The following QTMAN variants were observed in gnomAD, a reference collection of about 807,000 sequenced individuals.
QTMAN encodes tRNA-queuosine alpha-mannosyltransferase.
chr2:144,067,299 T>A, the QTMAN span, among the ~76,000 whole-genome samples: 2 of 152,228 alleles, frequency 1.3e-5, no homozygotes, highest in African/African-American at 2.4e-5. Context: ...TAAGGTTTTT[T>A]AAATTGGCTC....
chr2:143,973,391 A>C, the QTMAN span, among the ~76,000 whole-genome samples: 3 of 152,312 alleles, frequency 2.0e-5, no homozygotes, highest in South Asian at 6.2e-4. Context: ...TTTATGTCTA[A>C]ATTAGTAAAT....
At chr2:144,082,771 G>A in the QTMAN span, among the ~76,000 whole-genome samples, 1 of 152,216 alleles carries the variant, frequency 6.6e-6, no homozygotes, top group Non-Finnish European at 1.5e-5. Context: ...CTTGCTCTCA[G>A]TCACGGGCTC....
At chr2:143,990,458 C>T in the QTMAN span, among the ~76,000 whole-genome samples, 5 of 152,032 alleles carry the variant, frequency 3.3e-5, no homozygotes, top group Non-Finnish European at 5.9e-5. Flanking sequence ...AATTAGAAGG[C>T]TATTAAGTAG....
At chr2:144,221,857 CTTGT>C in the QTMAN span, among the ~76,000 whole-genome samples, 14 of 152,234 alleles carry the variant, frequency 9.2e-5, no homozygotes, top group South Asian at 2.1e-4. Context: ...GCAAATACTG[CTTGT>C]TTAAGTAATA....
At chr2:144,029,274 T>C in the QTMAN span, among the ~76,000 whole-genome samples, 1 of 152,230 alleles carries the variant, frequency 6.6e-6, no homozygotes, top group Non-Finnish European at 1.5e-5. Flanking sequence ...GCTGATGTTT[T>C]GGGTTATCAT....
chr2:144,131,157 T>C, the QTMAN span, among the ~76,000 whole-genome samples: 1 of 151,842 alleles, frequency 6.6e-6, no homozygotes, highest in East Asian at 1.9e-4. Context: ...ATATAACAAA[T>C]CACACTTCCT....
chr2:144,312,340 A>G, the QTMAN span, among the ~76,000 whole-genome samples: 1 of 151,358 alleles, frequency 6.6e-6, no homozygotes, highest in Non-Finnish European at 1.5e-5. Context: ...TGGGAAATAC[A>G]CTCTTAGGCT....
At chr2:144,091,971 TA>T in the QTMAN span, among the ~76,000 whole-genome samples, 2 of 151,868 alleles carry the variant, frequency 1.3e-5, no homozygotes, top group South Asian at 2.1e-4. Flanking sequence ...AAGTTATATA[TA>T]AAAAAAACTA....
chr2:144,276,436 C>T, the QTMAN span, among the ~76,000 whole-genome samples: 3 of 152,006 alleles, frequency 2.0e-5, no homozygotes, highest in African/African-American at 7.3e-5. Flanking sequence ...GTGATCCTCC[C>T]ACCTCAGGCT....
At chr2:144,177,008 A>AAG in the QTMAN span, 1 of 621,212 alleles carries the variant, frequency 1.6e-6, no homozygotes, top group South Asian at 1.9e-5. Context: ...GAGCAGGACA[A>AAG]AGAGAGAGAG....
the QTMAN span, among the ~76,000 whole-genome samples, chr2:144,207,975 T>C: frequency 3.3e-5 from 5 of 152,064 alleles, no homozygotes; most frequent in Non-Finnish European, 7.4e-5. Flanking sequence ...CTCAGCCTCC[T>C]GAGTAACTGA....
chr2:144,272,733 G>A, the QTMAN span, among the ~76,000 whole-genome samples: 1 of 152,114 alleles, frequency 6.6e-6, no homozygotes, highest in African/African-American at 2.4e-5. Flanking sequence ...GTATGTGTGT[G>A]TGTGCATGCA....
At chr2:144,095,658 AT>A in the QTMAN span, among the ~76,000 whole-genome samples, 1 of 152,152 alleles carries the variant, frequency 6.6e-6, no homozygotes, top group Admixed American at 6.6e-5. Flanking sequence ...AAATCTAGGT[AT>A]TCCTGGTTAA....
At chr2:143,949,147 A>G in the QTMAN span, among the ~76,000 whole-genome samples, 2 of 151,966 alleles carry the variant, frequency 1.3e-5, no homozygotes, top group African/African-American at 4.8e-5. Flanking sequence ...AGAGAAAGAG[A>G]CTGAGCGAGT....
At chr2:144,246,559 G>A in the QTMAN span, among the ~76,000 whole-genome samples, 6 of 118,768 alleles carry the variant, frequency 5.1e-5, no homozygotes, top group African/African-American at 1.3e-4. Context: ...CGGCCTGGGC[G>A]ACAGAGCGAG....
the QTMAN span, among the ~76,000 whole-genome samples, chr2:144,309,048 C>T: frequency 6.6e-6 from 1 of 151,990 alleles, no homozygotes; most frequent in East Asian, 1.9e-4. Flanking sequence ...CAGAAAAATG[C>T]AAATTAAAAC....
At chr2:144,089,470 A>T in the QTMAN span, among the ~76,000 whole-genome samples, 3 of 152,006 alleles carry the variant, frequency 2.0e-5, no homozygotes, top group African/African-American at 7.2e-5. Flanking sequence ...AAAACTCAAT[A>T]TCAAAGCAAT....
chr2:144,126,177 A>G, the QTMAN span, among the ~76,000 whole-genome samples: 1 of 151,990 alleles, frequency 6.6e-6, no homozygotes, highest in Non-Finnish European at 1.5e-5. Flanking sequence ...GATGCAACCA[A>G]GAGAGGCTAC....
At chr2:144,062,997 G>C in the QTMAN span, among the ~76,000 whole-genome samples, 1 of 152,134 alleles carries the variant, frequency 6.6e-6, no homozygotes, top group Admixed American at 6.5e-5. Flanking sequence ...TCCAGCCCCA[G>C]GCTAGAGTAA....
Sources: gnomAD v4.1 joint callset for allele counts (sites outside exome capture counted in the v4.1 genomes callset) on GRCh38, gnomAD v4.1.1 for gene constraint, MANE v1.5 for transcripts, NCBI Gene and HGNC (gene_info 2026-07-23, HGNC 2026-07-21) for gene names.